Variants in MAP4 observed in about 807,000 individuals in gnomAD.
The protein encoded by MAP4 is microtubule-associated protein 4.
Under a neutral mutation model 170.2 loss-of-function variants are expected in MAP4, and 76 were observed. The ratio of observed to expected loss-of-function variants is 0.45; its 90% CI spans 0.37 to 0.54. The LOEUF (loss-of-function observed/expected upper bound fraction) is 0.54. Ranked by LOEUF, MAP4 falls within the 20% of genes least tolerant of loss-of-function variation. MAP4 has a pLI of 0.00. For synonymous variants in MAP4, 909 were observed against 994.5 expected (o/e 0.91, Z 1.62); for missense variants, 2,506 against 2,748.0 (o/e 0.91, Z 1.97).
intron 10 of MAP4, among the ~76,000 whole-genome samples, chr3:47,880,014 A>G (rs1353734612): frequency 6.6e-6 from 1 of 151,930 alleles, no homozygotes; most frequent in Non-Finnish European, 1.5e-5. Context: ...CTCTATTCCT[A>G]CTTTGCTGAG....
intron 1 of MAP4, among the ~76,000 whole-genome samples, chr3:48,086,022 A>G (rs1369556713): frequency 6.6e-6 from 1 of 152,154 alleles, no homozygotes; most frequent in African/African-American, 2.4e-5. Context: ...ACTGCACTCC[A>G]GCCTGGGCAA....
intron 12 of MAP4, among the ~76,000 whole-genome samples, chr3:47,872,645 G>C (rs954107842): frequency 3.9e-5 from 6 of 152,178 alleles, no homozygotes; most frequent in Admixed American, 6.5e-5. Flanking sequence ...ACAACAGAGA[G>C]TAAAACTACT....
intron 3 of MAP4, among the ~76,000 whole-genome samples, chr3:47,936,755 C>G (rs1184676724): frequency 3.3e-5 from 5 of 151,924 alleles, no homozygotes; most frequent in Admixed American, 3.3e-4. Context: ...CCAAGGTAGG[C>G]AGATCACCTG....
intron 10 of MAP4, among the ~76,000 whole-genome samples, chr3:47,897,628 C>T (rs1260743801): frequency 6.6e-6 from 1 of 152,046 alleles, no homozygotes; most frequent in African/African-American, 2.4e-5. Flanking sequence ...TCGGTGTTTA[C>T]TTTATATCTT....
chr3:48,030,521 G>C (rs907128048), intron 1 of MAP4, among the ~76,000 whole-genome samples: 1 of 151,204 alleles, frequency 6.6e-6, no homozygotes, highest in South Asian at 2.1e-4. Flanking sequence ...TAAGTTGGCC[G>C]GACGAGGTGG....
At chr3:48,052,463 C>T (rs2100128442) in intron 1 of MAP4, among the ~76,000 whole-genome samples, 1 of 152,118 alleles carries the variant, frequency 6.6e-6, no homozygotes, top group Admixed American at 6.6e-5. Flanking sequence ...CTCAAGTGAT[C>T]TACCCGCCTC....
At position 47,916,471 on chromosome 3, in the gene MAP4, C is replaced by G. The variant is rs775310284; in HGVS notation, c.1356G>C (p.Leu452=). ...TCAAGATCACGTTGGTTTCCGGGGG[C>G]AGTGTCATGTCCCTGGCCAGGGCTA... The part of the protein sequence containing the change: ...TEVALARDMT[L]PPETNVILTK... The change falls in exon 7 of 21, where the codon CTG becomes CTC. Residue 452 remains leucine, a synonymous_variant. Transcript: ENST00000683076. 1 of 1,614,130 alleles carries G rather than the reference C, an allele frequency of 6.2e-7. No individual in the cohort carries two copies. The highest frequency in any genetic ancestry group is 1.7e-5 in the Admixed American group (1 of 60,014).
At chr3:47,928,475 A>C (rs777088017) in intron 3 of MAP4, 125 bp from the exon 4 acceptor site, 18 of 960,634 alleles carry the variant, frequency 1.9e-5, no homozygotes, top group Non-Finnish European at 2.8e-5. Context: ...AGTGTCTTAC[A>C]AGAAAACTTT....
chr3:47,874,500 A>G (rs2094577324), intron 12 of MAP4, among the ~76,000 whole-genome samples: 1 of 152,090 alleles, frequency 6.6e-6, no homozygotes, highest in Non-Finnish European at 1.5e-5. Context: ...AAGTTCATGT[A>G]TATACAGCAA....
At position 47,871,293 on chromosome 3, in the gene MAP4, A is replaced by C. The variant is rs531285532; in HGVS notation, c.5942-7T>G. The C allele has an allele frequency of 6.2e-7, 1 of 1,607,666 alleles. No homozygotes were observed. Among genetic ancestry groups the C allele is most frequent in the East Asian group, 2.2e-5 (1 of 44,856 alleles). On this transcript the variant is annotated splice_region_variant and splice_polypyrimidine_tract_variant and intron_variant, in intron 13 of 20. Coordinates refer to ENST00000683076, the MANE Select transcript of MAP4 (RefSeq NM_001385682.1). The stretch of plus-strand genomic sequence containing the variant: ...TTTCCCTCAGTCTTAATGGCTGTAC[A>C]AAATATACTTATTAATATAACATTT...
At chr3:47,991,786 A>G (rs1185689640) in intron 2 of MAP4, among the ~76,000 whole-genome samples, 2 of 151,796 alleles carry the variant, frequency 1.3e-5, no homozygotes, top group Non-Finnish European at 2.9e-5. Flanking sequence ...CTCTTGCCTC[A>G]GCCTCCTGAG....
chr3:47,967,965 A>C (rs1049603845), intron 3 of MAP4, among the ~76,000 whole-genome samples: 1 of 152,090 alleles, frequency 6.6e-6, no homozygotes, highest in Non-Finnish European at 1.5e-5. Context: ...AAAACAAAAA[A>C]ACACTTTAAA....
At chr3:48,065,923 A>T (rs2154561544) in intron 1 of MAP4, among the ~76,000 whole-genome samples, 1 of 152,282 alleles carries the variant, frequency 6.6e-6, no homozygotes, top group African/African-American at 2.4e-5. Flanking sequence ...GTTTGAGACA[A>T]GCATGGGCAA....
In MAP4 at chr3:47,911,066, G is replaced by A; in HGVS notation, c.3355C>T (p.Leu1119=). 1 of 1,536,140 alleles carries A rather than the reference G, an allele frequency of 6.5e-7. No homozygotes were observed. Among genetic ancestry groups the A allele is most frequent in the Non-Finnish European group, 8.7e-7 (1 of 1,146,904 alleles). The change falls in exon 9 of 21, where the codon CTG becomes TTG. Residue 1119 remains leucine (L), a synonymous_variant. Coordinates refer to ENST00000683076, the MANE Select transcript of MAP4 (RefSeq NM_001385682.1). The surrounding 1 kb of genome is among the most constrained non-coding windows in gnomAD (Gnocchi z 4.0). ...GGTTGCTTTGAAGAATTCAGCCCCA[G>A]CTCCTCACTCTTATCCTGAGTAGTC... is the stretch of plus-strand genomic sequence containing the variant. ...GMTTQDKSEE[L]GLNSSKQPGT...
chr3:47,975,532 G>T, intron 3 of MAP4: 3 of 1,047,120 alleles, frequency 2.9e-6, no homozygotes, highest in Middle Eastern at 2.1e-4. Flanking sequence ...AAAAGCACAG[G>T]TCATTAGTAA....
At chr3:47,922,385 C>A (rs976760211) in intron 4 of MAP4, among the ~76,000 whole-genome samples, 3 of 152,152 alleles carry the variant, frequency 2.0e-5, no homozygotes, top group African/African-American at 7.2e-5. Context: ...ATAATCCCTT[C>A]TCTAAGATTT....
chr3:47,934,800 A>C (rs1272794905), intron 3 of MAP4, among the ~76,000 whole-genome samples: 1 of 152,178 alleles, frequency 6.6e-6, no homozygotes, highest in Non-Finnish European at 1.5e-5. Flanking sequence ...ACCATGCCAC[A>C]TTTGTCCAGA....
chr3:48,077,723 C>T (rs1161059623), intron 1 of MAP4, among the ~76,000 whole-genome samples: 1 of 151,978 alleles, frequency 6.6e-6, no homozygotes, highest in African/African-American at 2.4e-5. Flanking sequence ...AAATAAATGT[C>T]CATATAAAAG....
intron 1 of MAP4, among the ~76,000 whole-genome samples, chr3:48,031,573 A>T (rs2100116120): frequency 6.6e-6 from 1 of 151,734 alleles, no homozygotes; most frequent in African/African-American, 2.4e-5. Context: ...AAAAACAAAA[A>T]AATTAGCCAG....
Sources: gnomAD v4.1 joint callset for allele counts (sites outside exome capture counted in the v4.1 genomes callset) on GRCh38, gnomAD v4.1.1 for gene constraint, Gnocchi (gnomAD v3.1) non-coding constraint, MANE v1.5 for transcripts, NCBI Gene and HGNC (gene_info 2026-07-23, HGNC 2026-07-21) for gene names.